The following OTOGL variants were observed in gnomAD, a reference collection of about 807,000 sequenced individuals.
OTOGL encodes the protein otogelin-like protein.
OTOGL carries 285 observed loss-of-function variants against 318.5 expected under a neutral mutation model. The ratio of observed to expected loss-of-function variants is 0.89; its 90% CI spans 0.81 to 0.99. The LOEUF is 0.99. Ranked by LOEUF, OTOGL falls within the 50% of genes least tolerant of loss-of-function variation. The pLI is 0.00. For synonymous variants in OTOGL, 987 were observed against 936.5 expected, an observed-to-expected ratio of 1.05 and a Z score of -0.99; for missense variants, 2,899 against 2,845.6, an observed-to-expected ratio of 1.02 and a Z score of -0.43.
intron 1 of OTOGL, among the ~76,000 whole-genome samples, chr12:80,180,883 G>A (rs1874875306): frequency 6.6e-6 from 1 of 152,172 alleles, no homozygotes; most frequent in South Asian, 2.1e-4. Context: ...GTGAGGATCT[G>A]TATTTCCTGA....
intron 1 of OTOGL, among the ~76,000 whole-genome samples, chr12:80,127,646 G>A (rs901294169): frequency 2.0e-5 from 3 of 152,158 alleles, no homozygotes; most frequent in Admixed American, 6.5e-5. Flanking sequence ...TTCCAACTTG[G>A]TTCCATTCTC....
Position 80,369,324 on chromosome 12 carries a change from C to T in OTOGL, c.6615+1015C>T, listed in dbSNP as rs148798836. 7.4e-4 allele frequency among the ~76,000 whole-genome samples: 113 copies of T among 152,132 alleles called. 2 individuals carry two copies. Among genetic ancestry groups the T allele is most frequent in the African/African-American group, 2.5e-3 (105 of 41,542 alleles). On this transcript the variant is annotated intron_variant, in intron 55 of 58. Transcript: ENST00000547103. The stretch of plus-strand genomic sequence containing the variant: ...GCCTTCTCCTTTCCCAAACTGTCTT[C>T]ATTACTGCTGAAAATCCTTTAAGAT...
At chr12:80,344,243 T>A (rs1566000405) in intron 44 of OTOGL, among the ~76,000 whole-genome samples, 1 of 152,230 alleles carries the variant, frequency 6.6e-6, no homozygotes, top group Non-Finnish European at 1.5e-5. Context: ...CATGATTTTT[T>A]AAAATTGCGT....
In OTOGL at chr12:80,220,171, A is replaced by AT. The variant is rs200301233; in HGVS notation, c.334+265dup. The stretch of plus-strand genomic sequence containing the variant: ...GTAATAGCCTATTATTATTATTATT[A>AT]TTTTTTGAGACAGAGTCTCACTCTG... On this transcript the variant is annotated intron_variant, in intron 6 of 58. Transcript: ENST00000547103. Among the ~76,000 whole-genome samples, 4,575 of 151,660 alleles carry AT rather than the reference A, an allele frequency of 0.03. 168 individuals carry two copies. The highest frequency in any genetic ancestry group is 0.11 in the East Asian group (575 of 5,160).
At chr12:80,288,704 A>G (rs372275532) in intron 26 of OTOGL, among the ~76,000 whole-genome samples, 34 of 151,804 alleles carry the variant, frequency 2.2e-4, no homozygotes, top group African/African-American at 7.7e-4. Context: ...ATCCTTTTGT[A>G]TGCTTCACGA....
chr12:80,367,716 A>G lies in OTOGL; in HGVS notation c.6487A>G (p.Asn2163Asp). 1 of 1,430,216 alleles carries G rather than the reference A, an allele frequency of 7.0e-7. No homozygotes were observed. Among genetic ancestry groups the G allele is most frequent in the Non-Finnish European group, 9.2e-7 (1 of 1,084,538 alleles). The allele number at this position is 1,430,216 out of a possible 1,614,324, so 88.6% of individuals were successfully genotyped here. A position where few individuals can be genotyped will look rare whatever the true frequency, so the allele number is the denominator to read the frequency against. Residue 2163 changes from asparagine to aspartate, a missense_variant, in exon 54 of 59, where the codon AAT (asparagine) becomes GAT (aspartate). By Grantham distance (23) the Asn-to-Asp change is conservative (BLOSUM62 1). Around this residue, in one of 3 missense-constraint regions of OTOGL, gnomAD observed 289 missense variants for 304.6 expected, o/e 0.95. Coordinates refer to ENST00000547103, the MANE Select transcript of OTOGL (RefSeq NM_001378609.3). ...GFHTLNFTLV[N>D]CSKKCDVHQV... ...TCACACTCTGAATTTTACACTGGTG[A>G]ATTGTTCAAAAAAATGTGATGTTGT...
chr12:80,109,501 C>A (rs1869696819), intron 1 of OTOGL, among the ~76,000 whole-genome samples: 1 of 152,100 alleles, frequency 6.6e-6, no homozygotes, highest in African/African-American at 2.4e-5. Context: ...TTTTCTCTGC[C>A]ATTGTTGTTG....
rs556010024 is a variant in OTOGL, at chr12:80,359,129, G to A, written c.6267+229G>A. Among the ~76,000 whole-genome samples the A allele has an allele frequency of 2.0e-5, 3 of 152,224 alleles. No homozygotes were observed. In the East Asian group the frequency reaches 5.8e-4, roughly 29 times the overall value. The stretch of plus-strand genomic sequence containing the variant: ...TATTTTTTAACTGCTGATAGAATCT[G>A]CTAATCTTATATCTACTTCAGTTCC... On this transcript the variant is annotated intron_variant, in intron 52 of 58. Coordinates refer to ENST00000547103, the MANE Select transcript of OTOGL (RefSeq NM_001378609.3).
At chr12:80,330,381 T>C (rs796816972) in intron 37 of OTOGL, among the ~76,000 whole-genome samples, 4 of 152,268 alleles carry the variant, frequency 2.6e-5, no homozygotes, top group African/African-American at 7.2e-5. Context: ...TACTATACTG[T>C]TGTGAAATTT....
rs371387224 is a variant in OTOGL at position 80,318,664 on chromosome 12, A to G, written c.3753A>G (p.Leu1251=). ...CGAGAAGCAGTGTTCATACCAGTTT[A>G]TTTTTTTATTTTATGATCACTCCAG... is the stretch of plus-strand genomic sequence containing the variant. ...CLPRSSVHTS[L]FFYFMITPGL... The change falls in exon 33 of 59, where the codon TTA becomes TTG. Residue 1251 remains leucine, a synonymous_variant. Coordinates refer to ENST00000547103, the MANE Select transcript of OTOGL (RefSeq NM_001378609.3). The G allele has an allele frequency of 1.4e-6, 2 of 1,440,430 alleles. No individual in the cohort carries two copies. Among genetic ancestry groups the G allele is most frequent in the African/African-American group, 1.5e-5 (1 of 67,762 alleles). 89.2% of individuals were successfully genotyped at this position (1,440,430 alleles called of 1,614,324 possible).
intron 25 of OTOGL, 93 bp from the exon 26 acceptor site, chr12:80,278,935 C>G (rs1884006037): frequency 7.1e-7 from 1 of 1,412,592 alleles, no homozygotes. Context: ...CTCATGAATT[C>G]TCTTGAATAC....
At position 80,229,303 on chromosome 12, in the gene OTOGL, G is replaced by A. The variant is rs1276351029; in HGVS notation, c.536G>A (p.Arg179Gln). The change falls in exon 8 of 59, where the codon CGG becomes CAG. Residue 179 changes from arginine (R) to glutamine (Q), a missense_variant. Coordinates refer to ENST00000547103, the MANE Select transcript of OTOGL (RefSeq NM_001378609.3). ...CTTGGTTCGGTGTATTCTTGTTATC[G>A]GTCAATCAGCTTGTTCTTTTCAAAC... ...KCLGSVYSCYRSISLFFSNQE... is the reference protein window; with the variant it reads ...KCLGSVYSCYQSISLFFSNQE... 7.5e-6 allele frequency: 12 copies of A among 1,596,130 alleles called. No individual in the cohort carries two copies. Among genetic ancestry groups the A allele is most frequent in the South Asian group, 4.4e-5 (4 of 91,004 alleles).
intron 38 of OTOGL, among the ~76,000 whole-genome samples, chr12:80,335,184 CAA>C (rs1333055845): frequency 2.6e-5 from 4 of 152,056 alleles, no homozygotes; most frequent in Non-Finnish European, 5.9e-5. Context: ...GAGTAGTGGT[CAA>C]GAGCATAGAT....
chr12:80,288,688 C>T (rs1369614264), intron 26 of OTOGL, among the ~76,000 whole-genome samples: 1 of 151,810 alleles, frequency 6.6e-6, no homozygotes, highest in Non-Finnish European at 1.5e-5. Flanking sequence ...ATTCATTTGG[C>T]TATTGATCCT....
At chr12:80,268,252 C>T (rs1480664764) in intron 22 of OTOGL, among the ~76,000 whole-genome samples, 1 of 151,978 alleles carries the variant, frequency 6.6e-6, no homozygotes, top group African/African-American at 2.4e-5. Flanking sequence ...TTACTGTGTA[C>T]CTTGTTTTGT....
At chr12:80,101,333 T>C (rs10778702) in intron 1 of OTOGL, among the ~76,000 whole-genome samples, 97,473 of 151,962 alleles carry the variant, frequency 0.64, 32,099 homozygotes, top group African/African-American at 0.79. Flanking sequence ...AGTTTTTTAG[T>C]ACAAAGAATT....
chr12:80,289,937 G>C (rs907732529), intron 26 of OTOGL, among the ~76,000 whole-genome samples: 2 of 152,038 alleles, frequency 1.3e-5, no homozygotes, highest in Non-Finnish European at 2.9e-5. Flanking sequence ...AGGTGCCTCT[G>C]GGGTATGAAA....
At chr12:80,103,403 T>A in intron 1 of OTOGL, 1 of 749,938 alleles carries the variant, frequency 1.3e-6, no homozygotes, top group African/African-American at 1.7e-5. Context: ...CTTTTGACTG[T>A]GGCATCTTCT....
In OTOGL at chr12:80,230,930, A is replaced by G. The variant is rs546725795; in HGVS notation, c.611+1552A>G. On this transcript the variant is annotated intron_variant, in intron 8 of 58. Transcript: ENST00000547103. Reference sequence around the variant, plus strand: ...CATGCTTTTCTTTGACCTATTGAATATTGTCTAGTTTAAACTATTATTTCC... The same window carrying G: ...CATGCTTTTCTTTGACCTATTGAATGTTGTCTAGTTTAAACTATTATTTCC... Among the ~76,000 whole-genome samples the G allele has an allele frequency of 5.3e-5, 8 of 152,260 alleles. No individual in the cohort carries two copies. The South Asian group carries it at 1.5e-3, about 28-fold the overall frequency.
Sources: gnomAD v4.1 joint callset for allele counts (sites outside exome capture counted in the v4.1 genomes callset) on GRCh38, gnomAD v4.1.1 for gene constraint, gnomAD v4.1.1 regional missense constraint, MANE v1.5 for transcripts, NCBI Gene and HGNC (gene_info 2026-07-23, HGNC 2026-07-21) for gene names.